Variants in CSMD1 observed in about 807,000 individuals in gnomAD.
CSMD1 encodes CUB and sushi domain-containing protein 1.
CSMD1 carries 213 observed loss-of-function variants against 417.5 expected under a neutral mutation model. The observed-to-expected ratio is 0.51, with a 90% CI of 0.46 to 0.57. CSMD1 has a LOEUF of 0.57. CSMD1 is among the 20% of genes least tolerant of loss of function. CSMD1 has a pLI of 0.00. For synonymous variants in CSMD1, 2,862 were observed against 1,736.8 expected (o/e 1.65, Z -16.11); for missense variants, 6,923 against 4,529.7 (o/e 1.53, Z -15.17).
intron 2 of CSMD1, among the ~76,000 whole-genome samples, chr8:4,624,873 C>G (rs949205753): frequency 6.6e-6 from 1 of 152,054 alleles, no homozygotes; most frequent in East Asian, 1.9e-4. Flanking sequence ...CGTTTCCATT[C>G]GGGGTGGTGG....
chr8:3,000,190 A>C, intron 52 of CSMD1, 59 bp from the exon 53 acceptor site: 2 of 1,275,360 alleles, frequency 1.6e-6, no homozygotes, highest in South Asian at 1.7e-5. Context: ...AAAGTAGTAC[A>C]TTCACAACTT....
At chr8:3,920,594 T>C (rs959763670) in intron 5 of CSMD1, among the ~76,000 whole-genome samples, 4 of 152,158 alleles carry the variant, frequency 2.6e-5, no homozygotes, top group Non-Finnish European at 5.9e-5. Flanking sequence ...TTCATCATTA[T>C]GTACATTAGT....
intron 4 of CSMD1, among the ~76,000 whole-genome samples, chr8:4,019,934 C>T (rs972385661): frequency 4.8e-5 from 7 of 144,734 alleles, no homozygotes; most frequent in South Asian, 2.2e-4. Flanking sequence ...AAAAAAAACC[C>T]TTTTTTTTAA....
At chr8:3,181,510 C>T (rs1003628755) in intron 36 of CSMD1, among the ~76,000 whole-genome samples, 2 of 152,150 alleles carry the variant, frequency 1.3e-5, no homozygotes, top group African/African-American at 4.8e-5. Context: ...ATGTAATCTT[C>T]TGCTTCTTAA....
At chr8:3,950,139 T>C (rs1460624365) in intron 5 of CSMD1, among the ~76,000 whole-genome samples, 2 of 152,146 alleles carry the variant, frequency 1.3e-5, no homozygotes, top group Non-Finnish European at 2.9e-5. Flanking sequence ...GACCTGCATT[T>C]ATACACCAGC....
intron 2 of CSMD1, among the ~76,000 whole-genome samples, chr8:4,529,251 G>T (rs547687892): frequency 6.6e-6 from 1 of 152,048 alleles, no homozygotes; most frequent in Non-Finnish European, 1.5e-5. Context: ...TATTCTGTTC[G>T]GAGTGGACAA....
intron 3 of CSMD1, among the ~76,000 whole-genome samples, chr8:4,194,479 T>C (rs1273151248): frequency 6.6e-6 from 1 of 152,172 alleles, no homozygotes; most frequent in Admixed American, 6.5e-5. Context: ...CTGTCACTTT[T>C]CTAATAAATA....
Position 3,000,064 on chromosome 8 carries a change from T to C in CSMD1, c.8097A>G (p.Arg2699=), listed in dbSNP as rs1225342874. The change falls in exon 53 of 70, where the codon AGA becomes AGG. Residue 2699 remains arginine (R), a synonymous_variant. Transcript: ENST00000635120. The stretch of plus-strand genomic sequence containing the variant: ...GATTGCACTGGTAAACCACCGTGTC[T>C]CTGTAACTGAAGCCATCTCCACTAA... ...GHISGDGFSY[R]DTVVYQCNPG... is the part of the protein sequence containing the mutation. The C allele has an allele frequency of 4.4e-6, 7 of 1,603,076 alleles. No individual in the cohort carries two copies. The South Asian group carries it at 6.7e-5, about 15-fold the overall frequency.
intron 5 of CSMD1, among the ~76,000 whole-genome samples, chr8:3,961,370 G>C (rs1242975897): frequency 6.6e-6 from 1 of 152,180 alleles, no homozygotes; most frequent in Non-Finnish European, 1.5e-5. Flanking sequence ...CAAGGATTCT[G>C]ATTATCTAGA....
intron 7 of CSMD1, among the ~76,000 whole-genome samples, chr8:3,677,738 C>A (rs563864228): frequency 6.6e-6 from 1 of 152,222 alleles, no homozygotes; most frequent in South Asian, 2.1e-4. Flanking sequence ...TGGAAAAAAG[C>A]CCTAAACTTT....
At chr8:3,312,874 G>T (rs12681888) in intron 23 of CSMD1, among the ~76,000 whole-genome samples, 1 of 152,158 alleles carries the variant, frequency 6.6e-6, no homozygotes, top group South Asian at 2.1e-4. Flanking sequence ...CATTCGTTAG[G>T]ATACAGCCTA....
chr8:4,229,985 C>G (rs1035506668), intron 3 of CSMD1, among the ~76,000 whole-genome samples: 1 of 152,142 alleles, frequency 6.6e-6, no homozygotes, highest in Non-Finnish European at 1.5e-5. Flanking sequence ...CATTATAACA[C>G]TTAAGTCTGT....
chr8:4,856,000 A>C (rs1482186633), intron 1 of CSMD1, among the ~76,000 whole-genome samples: 3 of 151,910 alleles, frequency 2.0e-5, no homozygotes, highest in African/African-American at 2.4e-5. Flanking sequence ...AAAAATGTTA[A>C]GGGCAGCCAG....
chr8:4,701,949 T>C (rs1456543670), intron 1 of CSMD1, among the ~76,000 whole-genome samples: 1 of 152,170 alleles, frequency 6.6e-6, no homozygotes, highest in Non-Finnish European at 1.5e-5. Context: ...TGAGATCATG[T>C]CCTTTGCAGG....
rs1205326942 is a variant in CSMD1, at chr8:4,322,097, CATAA to C, written c.415+97852_415+97855del. Among the ~76,000 whole-genome samples the C allele has an allele frequency of 5.9e-5, 9 of 152,222 alleles. No homozygotes were observed. The East Asian group carries it at 9.7e-4, about 16-fold the overall frequency. On this transcript the variant is annotated intron_variant, in intron 3 of 69. Transcript: ENST00000635120. ...TAGACTGAAATGAACTCTTTAATTACATAAATACTTAATATAAAATATTGGATCA... is the reference window on the plus strand; with the variant it reads ...TAGACTGAAATGAACTCTTTAATTACATACTTAATATAAAATATTGGATCA...
intron 1 of CSMD1, among the ~76,000 whole-genome samples, chr8:4,940,938 T>A (rs1446987632): frequency 6.6e-6 from 1 of 152,220 alleles, no homozygotes; most frequent in African/African-American, 2.4e-5. Flanking sequence ...CAATATTTCT[T>A]TAACAGTTCT....
At chr8:4,804,924 T>G (rs998797044) in intron 1 of CSMD1, among the ~76,000 whole-genome samples, 3 of 152,160 alleles carry the variant, frequency 2.0e-5, no homozygotes, top group Non-Finnish European at 4.4e-5. Context: ...AGAAAACACT[T>G]AAAGCGGTTT....
At chr8:3,805,807 G>C (rs1450043358) in intron 5 of CSMD1, among the ~76,000 whole-genome samples, 1 of 152,100 alleles carries the variant, frequency 6.6e-6, no homozygotes, top group African/African-American at 2.4e-5. Flanking sequence ...ACTCTGTGCA[G>C]AATTACCATT....
At chr8:3,904,248 A>T (rs1382552218) in intron 5 of CSMD1, among the ~76,000 whole-genome samples, 1 of 152,216 alleles carries the variant, frequency 6.6e-6, no homozygotes, top group Non-Finnish European at 1.5e-5. Flanking sequence ...GTAGAGACGA[A>T]TAGCACCTTC....
Sources: gnomAD v4.1 joint callset for allele counts (sites outside exome capture counted in the v4.1 genomes callset) on GRCh38, gnomAD v4.1.1 for gene constraint, MANE v1.5 for transcripts, NCBI Gene and HGNC (gene_info 2026-07-23, HGNC 2026-07-21) for gene names.